Variants in FGF14 observed in about 807,000 individuals in gnomAD.
FGF14 encodes the protein fibroblast growth factor homologous factor 4.
Under a neutral mutation model 25.5 loss-of-function variants are expected in FGF14, and 5 were observed. The observed-to-expected ratio is 0.20, with a 90% CI of 0.10 to 0.41. FGF14 has a LOEUF of 0.41. Ranked by LOEUF, FGF14 falls within the 10% of genes least tolerant of loss-of-function variation. The pLI, the probability that FGF14 is intolerant of heterozygous loss-of-function variation, is 1.00. For missense variants in FGF14, 222 were observed against 320.1 expected (o/e 0.69, Z 2.34); for synonymous variants, 138 against 118.3 (o/e 1.17, Z -1.08).
intron 1 of FGF14, among the ~76,000 whole-genome samples, chr13:102,191,531 A>G (rs554276849): frequency 1.3e-5 from 2 of 151,948 alleles, no homozygotes; most frequent in Non-Finnish European, 2.9e-5. Context: ...CATTCACATG[A>G]TCTCATCTAA....
intron 3 of FGF14, among the ~76,000 whole-genome samples, chr13:101,749,965 C>T (rs961318400): frequency 6.6e-6 from 1 of 151,978 alleles, no homozygotes; most frequent in African/African-American, 2.4e-5. Flanking sequence ...GAGGATGAAT[C>T]CCTCCTGAAA....
chr13:101,866,110 C>T (rs1408281922), intron 3 of FGF14, among the ~76,000 whole-genome samples: 1 of 151,918 alleles, frequency 6.6e-6, no homozygotes, highest in African/African-American at 2.4e-5. Context: ...AATATAATAT[C>T]AAACTTTTTC....
chr13:102,362,912 T>C (rs1363069486), intron 1 of FGF14, among the ~76,000 whole-genome samples: 2 of 152,168 alleles, frequency 1.3e-5, no homozygotes, highest in African/African-American at 4.8e-5. Flanking sequence ...GGGAAAAACT[T>C]ACATGTTAAT....
chr13:102,356,014 T>C (rs1205084169), intron 1 of FGF14, among the ~76,000 whole-genome samples: 1 of 152,198 alleles, frequency 6.6e-6, no homozygotes, highest in Non-Finnish European at 1.5e-5. Flanking sequence ...CAGACATCAA[T>C]TTAATTGCCA....
chr13:101,983,140 C>A (rs184536132), intron 1 of FGF14, among the ~76,000 whole-genome samples: 1 of 145,728 alleles, frequency 6.9e-6, no homozygotes, highest in Non-Finnish European at 1.5e-5. Context: ...TCAGAATTAA[C>A]ATGTTAGGCT....
At chr13:102,389,565 C>T (rs1277424316) in intron 1 of FGF14, among the ~76,000 whole-genome samples, 6 of 152,170 alleles carry the variant, frequency 3.9e-5, no homozygotes, top group African/African-American at 7.2e-5. Flanking sequence ...TAACAAACCA[C>T]CTTGTCATCT....
At chr13:102,262,101 C>G (rs1452994920) in intron 1 of FGF14, among the ~76,000 whole-genome samples, 2 of 152,160 alleles carry the variant, frequency 1.3e-5, no homozygotes. Flanking sequence ...AGATGCTGAT[C>G]TTTAGTATCA....
intron 1 of FGF14, among the ~76,000 whole-genome samples, chr13:102,324,735 T>C (rs1414623303): frequency 6.6e-6 from 1 of 152,212 alleles, no homozygotes; most frequent in Non-Finnish European, 1.5e-5. Context: ...CTAAGGCTAA[T>C]AAGATAAGAT....
At chr13:101,915,173 A>C (rs2033338668) in intron 1 of FGF14, among the ~76,000 whole-genome samples, 1 of 152,222 alleles carries the variant, frequency 6.6e-6, no homozygotes, top group Non-Finnish European at 1.5e-5. Flanking sequence ...AAGAGCAAGT[A>C]ATCTCCAATT....
intron 1 of FGF14, among the ~76,000 whole-genome samples, chr13:101,989,260 G>A (rs1279314356): frequency 6.6e-6 from 1 of 151,938 alleles, no homozygotes; most frequent in Non-Finnish European, 1.5e-5. Context: ...ATTATAAAAA[G>A]TTACAATTTT....
intron 3 of FGF14, among the ~76,000 whole-genome samples, chr13:101,814,718 T>C (rs963847357): frequency 1.3e-5 from 2 of 152,182 alleles, no homozygotes; most frequent in African/African-American, 2.4e-5. Context: ...CATAATGTTT[T>C]TGAGGTAAAC....
intron 1 of FGF14, among the ~76,000 whole-genome samples, chr13:102,270,420 A>C (rs1242127887): frequency 6.6e-6 from 1 of 152,188 alleles, no homozygotes; most frequent in Non-Finnish European, 1.5e-5. Context: ...ACTGAATCTC[A>C]AAACATTTCT....
At chr13:101,901,578 C>T (rs1180406294) in intron 1 of FGF14, among the ~76,000 whole-genome samples, 1 of 152,070 alleles carries the variant, frequency 6.6e-6, no homozygotes, top group African/African-American at 2.4e-5. Context: ...ATGGTGTGCA[C>T]CTGTAACCCC....
intron 1 of FGF14, among the ~76,000 whole-genome samples, chr13:102,358,553 T>C (rs2057479113): frequency 6.6e-6 from 1 of 152,208 alleles, no homozygotes; most frequent in Non-Finnish European, 1.5e-5. Flanking sequence ...TCAGTTAATC[T>C]ACAAGTAGTA....
chr13:102,355,338 C>T (rs557622772), intron 1 of FGF14, among the ~76,000 whole-genome samples: 47 of 152,216 alleles, frequency 3.1e-4, no homozygotes, highest in African/African-American at 9.4e-4. Flanking sequence ...TATCCCTGCA[C>T]TCACAATACT....
intron 1 of FGF14, among the ~76,000 whole-genome samples, chr13:102,249,351 C>T (rs1684690442): frequency 6.6e-6 from 1 of 152,110 alleles, no homozygotes; most frequent in African/African-American, 2.4e-5. Flanking sequence ...GGTCAGAGAG[C>T]ACAAGTGCTA....
chr13:101,774,485 G>A (rs762244046), intron 3 of FGF14, among the ~76,000 whole-genome samples: 11 of 152,096 alleles, frequency 7.2e-5, no homozygotes, highest in South Asian at 2.1e-4. Context: ...CAATGCTTTC[G>A]TTAGCTCTTA....
At chr13:102,170,248 T>G (rs931307733) in intron 1 of FGF14, among the ~76,000 whole-genome samples, 1 of 151,982 alleles carries the variant, frequency 6.6e-6, no homozygotes, top group South Asian at 2.1e-4. Flanking sequence ...TTTCAATAGA[T>G]CCTAGCTTTC....
intron 1 of FGF14, among the ~76,000 whole-genome samples, chr13:102,217,196 C>T (rs1000099703): frequency 1.3e-5 from 2 of 152,150 alleles, no homozygotes; most frequent in African/African-American, 4.8e-5. Context: ...AATACAATGG[C>T]AATTTAAAAC....
Sources: gnomAD v4.1 joint callset for allele counts (sites outside exome capture counted in the v4.1 genomes callset) on GRCh38, gnomAD v4.1.1 for gene constraint, MANE v1.5 for transcripts, NCBI Gene and HGNC (gene_info 2026-07-23, HGNC 2026-07-21) for gene names.